EYS: variants seen among roughly 807,000 people sequenced by gnomAD.
EYS encodes EGF-like photoreceptor maintenance factor, also known as protein eyes shut homolog.
A neutral mutation model predicts 282.1 loss-of-function variants in EYS; 250 were observed. The observed-to-expected ratio is 0.89, with a 90% CI of 0.80 to 0.98. EYS has a LOEUF of 0.98. Among genes scored for constraint, EYS ranks in the 50% least tolerant of loss-of-function variants. The pLI, the probability that EYS is intolerant of heterozygous loss-of-function variation, is 0.00. For synonymous variants in EYS, 1,355 were observed against 1,282.9 expected (o/e 1.06, Z -1.20); for missense variants, 4,016 against 3,709.0 (o/e 1.08, Z -2.15).
chr6:63,804,817 A>C (rs1770863234), intron 37 of EYS, among the ~76,000 whole-genome samples: 1 of 152,222 alleles, frequency 6.6e-6, no homozygotes, highest in South Asian at 2.1e-4. Context: ...CTCTTATTAC[A>C]ATGTGGATAA....
rs56710433 is a variant in EYS, at chr6:64,475,550, C to CAA, written c.5645-36200_5645-36199dup. 3.4e-3 allele frequency among the ~76,000 whole-genome samples: 147 copies of CAA among 43,250 alleles called. 3 individuals are homozygous for CAA. Among genetic ancestry groups the CAA allele is most frequent in the Middle Eastern group, 0.011 (1 of 90 alleles). The allele number at this position is 43,250 out of a possible 152,430, so 28.4% of individuals were successfully genotyped here. On this transcript the variant is annotated intron_variant, in intron 26 of 42. Coordinates refer to ENST00000503581, the MANE Select transcript of EYS (RefSeq NM_001142800.2). ...TGGGCGACAGAGCGAGACTCCGTCT[C>CAA]AAAAAAAAAAAAAAAAAAAAAAAGA...
At chr6:63,940,135 G>A (rs1274781630) in intron 35 of EYS, among the ~76,000 whole-genome samples, 3 of 152,136 alleles carry the variant, frequency 2.0e-5, no homozygotes, top group Non-Finnish European at 1.5e-5. Context: ...AGTGCATCTT[G>A]AATAATGTTA....
chr6:64,319,318 A>T (rs1215986762), intron 29 of EYS, among the ~76,000 whole-genome samples: 1 of 151,970 alleles, frequency 6.6e-6, no homozygotes, highest in East Asian at 1.9e-4. Flanking sequence ...TACCTATCTT[A>T]CTAATAATTA....
At chr6:65,181,003 T>C (rs1466492232) in intron 12 of EYS, among the ~76,000 whole-genome samples, 1 of 152,078 alleles carries the variant, frequency 6.6e-6, no homozygotes, top group Admixed American at 6.6e-5. Context: ...TGGCTAGCCA[T>C]ATGTAGAAAG....
At chr6:63,991,667 AG>A (rs1767608529) in intron 34 of EYS, among the ~76,000 whole-genome samples, 1 of 151,624 alleles carries the variant, frequency 6.6e-6, no homozygotes, top group African/African-American at 2.4e-5. Context: ...GAAGAGAGAA[AG>A]AAAGAAGAAA....
chr6:64,926,332 C>T (rs895998770), intron 15 of EYS, among the ~76,000 whole-genome samples: 2 of 152,212 alleles, frequency 1.3e-5, no homozygotes, highest in Admixed American at 6.5e-5. Context: ...GCCACTTGTG[C>T]TGGCTGGCAG....
chr6:63,940,942 T>A (rs1765218362), intron 35 of EYS, among the ~76,000 whole-genome samples: 1 of 151,770 alleles, frequency 6.6e-6, no homozygotes, highest in African/African-American at 2.4e-5. Flanking sequence ...TGTTTGGTTT[T>A]CTGTCCTTGC....
rs559571701 is a variant in EYS at position 65,687,987 on chromosome 6, C to T, written c.-448+19148G>A. 8.5e-5 allele frequency among the ~76,000 whole-genome samples: 13 copies of T among 152,206 alleles called. No homozygotes were observed. The East Asian group carries it at 1.7e-3, about 20-fold the overall frequency. ...GCTCATGAGTAGGAAGAATCAATAT[C>T]GTGAAAATGGCCATATGGCCCAAGG... On this transcript the variant is annotated intron_variant, in intron 1 of 42. Coordinates refer to ENST00000503581, the MANE Select transcript of EYS (RefSeq NM_001142800.2).
intron 36 of EYS, among the ~76,000 whole-genome samples, chr6:63,854,451 CA>C (rs1772340036): frequency 6.6e-6 from 1 of 151,968 alleles, no homozygotes; most frequent in Non-Finnish European, 1.5e-5. Context: ...CGAGGCCTAT[CA>C]GGGGGTGGGT....
At chr6:63,852,456 C>T (rs1008025925) in intron 36 of EYS, among the ~76,000 whole-genome samples, 14 of 152,104 alleles carry the variant, frequency 9.2e-5, no homozygotes, top group Non-Finnish European at 1.5e-4. Flanking sequence ...CCTGAATAGA[C>T]CAATAACAAG....
chr6:65,074,807 TAAAG>T (rs1348588073), intron 12 of EYS, among the ~76,000 whole-genome samples: 1 of 151,942 alleles, frequency 6.6e-6, no homozygotes, highest in African/African-American at 2.4e-5. Flanking sequence ...GGCCTCTGTT[TAAAG>T]AGAGAAATAT....
intron 12 of EYS, among the ~76,000 whole-genome samples, chr6:65,132,096 A>T (rs576482804): frequency 6.6e-6 from 1 of 152,022 alleles, no homozygotes; most frequent in South Asian, 2.1e-4. Context: ...AACCAAAAAA[A>T]TTCCAGTGCC....
intron 2 of EYS, among the ~76,000 whole-genome samples, chr6:65,561,194 T>C (rs1334441544): frequency 6.6e-6 from 1 of 152,152 alleles, no homozygotes; most frequent in Non-Finnish European, 1.5e-5. Context: ...GGGACCCACA[T>C]CTTAGACTGC....
chr6:65,208,457 A>T (rs956935917), intron 12 of EYS, among the ~76,000 whole-genome samples: 6 of 151,906 alleles, frequency 3.9e-5, no homozygotes, highest in African/African-American at 1.4e-4. Context: ...CAGGTCATCT[A>T]CACAAAGGAA....
chr6:64,622,295 T>C (rs1319507224), intron 23 of EYS, among the ~76,000 whole-genome samples: 8 of 152,148 alleles, frequency 5.3e-5, no homozygotes, highest in African/African-American at 1.4e-4. Context: ...CTGTCATGAC[T>C]GGACAACATT....
chr6:64,026,648 A>G (rs1769530569), intron 33 of EYS, among the ~76,000 whole-genome samples: 1 of 152,138 alleles, frequency 6.6e-6, no homozygotes, highest in Non-Finnish European at 1.5e-5. Flanking sequence ...CAAAGCTTGC[A>G]ATTTACATTC....
chr6:65,493,036 C>G (rs1766105427), intron 4 of EYS, among the ~76,000 whole-genome samples: 2 of 152,154 alleles, frequency 1.3e-5, no homozygotes, highest in African/African-American at 4.8e-5. Context: ...CCGCCTCAGC[C>G]TCCCGAGTAG....
intron 12 of EYS, among the ~76,000 whole-genome samples, chr6:65,117,510 T>A (rs1193521152): frequency 6.6e-6 from 1 of 152,116 alleles, no homozygotes. Flanking sequence ...ACCCAAAATA[T>A]CTGTCCCGCA....
intron 5 of EYS, among the ~76,000 whole-genome samples, chr6:65,487,912 T>G (rs1167091352): frequency 1.3e-5 from 2 of 152,176 alleles, no homozygotes; most frequent in African/African-American, 2.4e-5. Flanking sequence ...GGAGGGTGTA[T>G]GTGTCCAGGA....
Sources: gnomAD v4.1 joint callset for allele counts (sites outside exome capture counted in the v4.1 genomes callset) on GRCh38, gnomAD v4.1.1 for gene constraint, MANE v1.5 for transcripts, NCBI Gene and HGNC (gene_info 2026-07-23, HGNC 2026-07-21) for gene names.